PRTG: variants seen among roughly 807,000 people sequenced by gnomAD.
PRTG encodes immunoglobulin superfamily, DCC subclass, member 5.
In PRTG, 67 loss-of-function variants were observed where a neutral mutation model predicts 122.5. The observed-to-expected ratio is 0.55, with a 90% CI of 0.45 to 0.67. The LOEUF is 0.67. Among genes scored for constraint, PRTG ranks in the 30% least tolerant of loss-of-function variants. The probability of loss-of-function intolerance (pLI) is 0.00; values close to 1 mark genes in which losing one functional copy is unlikely to be tolerated. For synonymous variants in PRTG, 554 were observed against 501.1 expected, an observed-to-expected ratio of 1.11 and a Z score of -1.41; for missense variants, 1,435 against 1,415.4, an observed-to-expected ratio of 1.01 and a Z score of -0.22.
chr15:55,742,883 G>A lies in PRTG; in HGVS notation c.49C>T (p.Leu17=), dbSNP rs1460754819. 7 of 1,534,082 alleles carry A rather than the reference G, an allele frequency of 4.6e-6. No homozygotes were observed. In the African/African-American group the frequency reaches 7.1e-5, roughly 16 times the overall value. The part of the protein sequence containing the change: ...PLARLRPPGM[L]LRALLLLLLL... ...AGCAGGAGCAGGAGCGCGCGGAGCA[G>A]CATCCCCGGCGGTCGCAGCCGGGCG... The change falls in exon 1 of 20, where the codon CTG becomes TTG. Residue 17 remains leucine, a synonymous_variant. Transcript: ENST00000389286.
intron 11 of PRTG, among the ~76,000 whole-genome samples, chr15:55,659,080 T>C (rs1343302013): frequency 5.9e-5 from 9 of 152,196 alleles, no homozygotes; most frequent in Admixed American, 5.9e-4. Context: ...CTAGTTCCTA[T>C]GATAAATCAA....
chr15:55,714,806 C>T (rs2008336), intron 2 of PRTG, among the ~76,000 whole-genome samples: 91,140 of 151,920 alleles, frequency 0.6, 28,195 homozygotes, highest in Non-Finnish European at 0.69. Context: ...ATAAACATAG[C>T]TTGATGTTGC....
rs35718474 is a variant in PRTG, at chr15:55,742,895, G to A, written c.37C>T (p.Pro13Ser). 8,339 of 1,530,894 alleles carry A rather than the reference G, an allele frequency of 5.4e-3. 32 individuals carry two copies. Among genetic ancestry groups the A allele is most frequent in the Non-Finnish European group, 6.5e-3 (7,442 of 1,138,210 alleles). The allele number at this position is 1,530,894 out of a possible 1,614,324, so 94.8% of individuals were successfully genotyped here. Reference sequence around the variant, plus strand: ...AGCGCGCGGAGCAGCATCCCCGGCGGTCGCAGCCGGGCGAGGGGTCGCAGA... The same window carrying A: ...AGCGCGCGGAGCAGCATCCCCGGCGATCGCAGCCGGGCGAGGGGTCGCAGA... ...PPLRPLARLR[P>S]PGMLLRALLL... The change falls in exon 1 of 20, where the codon CCG becomes TCG. Residue 13 changes from proline (P) to serine (S), a missense_variant. Transcript: ENST00000389286.
At chr15:55,650,767 C>T (rs1049423427) in intron 11 of PRTG, among the ~76,000 whole-genome samples, 5 of 152,050 alleles carry the variant, frequency 3.3e-5, no homozygotes, top group African/African-American at 9.7e-5. Context: ...GAGTTCAAGA[C>T]CAACCCGGGC....
At chr15:55,688,798 C>T (rs956867934) in intron 2 of PRTG, among the ~76,000 whole-genome samples, 1 of 152,202 alleles carries the variant, frequency 6.6e-6, no homozygotes, top group African/African-American at 2.4e-5. Flanking sequence ...CGTGCCACTG[C>T]ACTCCCGCCT....
chr15:55,704,107 T>C (rs2141844334), intron 2 of PRTG, among the ~76,000 whole-genome samples: 1 of 152,356 alleles, frequency 6.6e-6, no homozygotes, highest in African/African-American at 2.4e-5. Context: ...CACTGCTTTG[T>C]CTTTACCAAG....
intron 2 of PRTG, among the ~76,000 whole-genome samples, chr15:55,684,624 A>G (rs2059560112): frequency 1.3e-5 from 2 of 152,198 alleles, no homozygotes; most frequent in South Asian, 4.1e-4. Context: ...AAAACTAATC[A>G]GGATGGATAG....
chr15:55,645,661 T>C (rs1001695118), intron 11 of PRTG, among the ~76,000 whole-genome samples: 4 of 152,016 alleles, frequency 2.6e-5, no homozygotes, highest in Admixed American at 6.6e-5. Flanking sequence ...AGTCAAGTCC[T>C]AAAACTTCAT....
rs975452335 is a variant in PRTG, at chr15:55,611,811, T to C, written c.*8201A>G. 6.6e-6 allele frequency: 1 copy of C among 152,086 alleles called. No individual in the cohort carries two copies. The highest frequency in any genetic ancestry group is 1.5e-5 in the Non-Finnish European group (1 of 67,946). The allele number at this position is 152,086 out of a possible 1,614,324, so 9.4% of individuals were successfully genotyped here. On this transcript the variant is annotated 3_prime_UTR_variant, in exon 20 of 20. Transcript: ENST00000389286. ...ATTCAAAATCAAGGCAAACATTTGC[T>C]TTCTTCGTGCAATGGCATTCACAGA...
In PRTG at chr15:55,620,042, T is replaced by A. The variant is rs1479123746; in HGVS notation, c.3423A>T (p.Ser1141=). The A allele has an allele frequency of 3.7e-6, 6 of 1,614,162 alleles. No individual in the cohort carries two copies. The highest frequency in any genetic ancestry group is 1.7e-4 in the Middle Eastern group (1 of 6,060). The change falls in exon 20 of 20, where the codon TCA becomes TCT. Residue 1141 remains serine, a synonymous_variant. Coordinates refer to ENST00000389286, the MANE Select transcript of PRTG (RefSeq NM_173814.6). ...HESNDEIHLS[S]VISTTPPNL ...GGTTGGGGGGTGTGGTACTTATAACTGAGGACAGATGTATCTCATCGTTGG... is the reference window on the plus strand; with the variant it reads ...GGTTGGGGGGTGTGGTACTTATAACAGAGGACAGATGTATCTCATCGTTGG...
intron 2 of PRTG, chr15:55,738,601 G>A (rs2031509586): frequency 1.5e-6 from 1 of 681,648 alleles, no homozygotes; most frequent in Admixed American, 2.1e-5. Flanking sequence ...AGTTTACATT[G>A]GACAAAAACT....
Position 55,620,103 on chromosome 15 carries a change from T to C in PRTG, c.3362A>G (p.His1121Arg). 1.9e-6 allele frequency: 3 copies of C among 1,614,218 alleles called. No individual in the cohort carries two copies. Among genetic ancestry groups the C allele is most frequent in the Non-Finnish European group, 2.5e-6 (3 of 1,180,032 alleles). The change falls in exon 20 of 20, where the codon CAT (histidine) becomes CGT (arginine). Residue 1121 changes from histidine to arginine, a missense_variant. Transcript: ENST00000389286. Reference sequence around the variant, plus strand: ...AAACCGCCCAGAATCCCCAGTCTCATGGCTGCCTTCACTATTTGCTGAATG... The same window carrying C: ...AAACCGCCCAGAATCCCCAGTCTCACGGCTGCCTTCACTATTTGCTGAATG... ...TEHSANSEGS[H>R]ETGDSGRFSH...
intron 2 of PRTG, among the ~76,000 whole-genome samples, chr15:55,708,177 A>AAAAAAAAAC (rs2030223357): frequency 6.8e-6 from 1 of 147,142 alleles, no homozygotes; most frequent in Non-Finnish European, 1.5e-5. Flanking sequence ...AAAAAAAAAA[A>AAAAAAAAAC]CAGAGGCAGA....
At position 55,726,005 on chromosome 15, in the gene PRTG, G is replaced by A. The variant is rs535226082; in HGVS notation, c.397+14377C>T. 1.1e-3 allele frequency among the ~76,000 whole-genome samples: 168 copies of A among 152,210 alleles called. 5 individuals carry two copies. In the South Asian group the frequency reaches 0.034, roughly 30 times the overall value. On this transcript the variant is annotated intron_variant, in intron 2 of 19. Transcript: ENST00000389286. ...TGTTGCGAGGCTGGAGTGCAGTGGCGTGATCTCGGCTCACTGCAACTTCCG... is the reference window on the plus strand; with the variant it reads ...TGTTGCGAGGCTGGAGTGCAGTGGCATGATCTCGGCTCACTGCAACTTCCG...
chr15:55,626,751 C>T (rs963565678), intron 17 of PRTG, among the ~76,000 whole-genome samples: 3 of 151,668 alleles, frequency 2.0e-5, no homozygotes, highest in African/African-American at 7.3e-5. Context: ...GTGTGAGACT[C>T]CGTCTCAAAA....
chr15:55,690,039 T>C (rs2059592125), intron 2 of PRTG, among the ~76,000 whole-genome samples: 1 of 152,012 alleles, frequency 6.6e-6, no homozygotes, highest in African/African-American at 2.4e-5. Context: ...ATGAAAACAA[T>C]ATCTCTGCTA....
At chr15:55,632,091 A>T (rs1246194083) in intron 15 of PRTG, among the ~76,000 whole-genome samples, 1 of 152,166 alleles carries the variant, frequency 6.6e-6, no homozygotes, top group Non-Finnish European at 1.5e-5. Context: ...CTATACATTG[A>T]TAACTAGATA....
Position 55,683,857 on chromosome 15 carries a change from T to C in PRTG, c.472A>G (p.Ile158Val), listed in dbSNP as rs1157240570. Residue 158 changes from isoleucine (I) to valine (V), a missense_variant, in exon 3 of 20, where the codon ATT (isoleucine) becomes GTT (valine). By Grantham distance (29) the Ile-to-Val change is conservative. Coordinates refer to ENST00000389286, the MANE Select transcript of PRTG (RefSeq NM_173814.6). ...ATGACTGCAGGAGGGTGGGATGAAA[T>C]CTTGCATGCAAATCGAGCAACTCCA... ...EGGVARFACK[I>V]SSHPPAVITW... is the part of the protein sequence containing the mutation. 1 of 1,614,010 alleles carries C rather than the reference T, an allele frequency of 6.2e-7. No individual in the cohort carries two copies. The highest frequency in any genetic ancestry group is 8.5e-7 in the Non-Finnish European group (1 of 1,179,926).
intron 2 of PRTG, among the ~76,000 whole-genome samples, chr15:55,729,597 A>C (rs1412109173): frequency 2.1e-5 from 3 of 144,404 alleles, no homozygotes; most frequent in Non-Finnish European, 4.4e-5. Flanking sequence ...GAAAAAAAAT[A>C]AAATAAAATA....
Sources: allele counts gnomAD v4.1 joint callset (sites outside exome capture counted in the v4.1 genomes callset), GRCh38; gene constraint gnomAD v4.1.1; transcripts MANE v1.5; gene names NCBI Gene and HGNC (gene_info 2026-07-23, HGNC 2026-07-21).